ATL1: variants seen among roughly 807,000 people sequenced by gnomAD.
ATL1 encodes atlastin-1.
Under a neutral mutation model 75.5 loss-of-function variants are expected in ATL1, and 31 were observed. The observed-to-expected ratio is 0.41, with a 90% CI of 0.31 to 0.55. The LOEUF (loss-of-function observed/expected upper bound fraction) is 0.55, where lower values mean the gene tolerates loss of function less well. Among genes scored for constraint, ATL1 ranks in the 20% least tolerant of loss-of-function variants. The pLI, the probability that ATL1 is intolerant of heterozygous loss-of-function variation, is 0.27. For synonymous variants in ATL1, 226 were observed against 233.3 expected, an observed-to-expected ratio of 0.97 and a Z score of 0.28; for missense variants, 405 against 662.6, an observed-to-expected ratio of 0.61 and a Z score of 4.27.
rs1555363914 is a variant in ATL1, at chr14:50,591,038, G to A, written c.380G>A (p.Ser127Asn). 1 of 1,613,432 alleles carries A rather than the reference G, an allele frequency of 6.2e-7. No homozygotes were observed. The highest frequency in any genetic ancestry group is 1.7e-5 in the Admixed American group (1 of 60,002). ...ERETTGIQIW[S>N]EIFLINKPDG... The stretch of plus-strand genomic sequence containing the variant: ...GAGACCACAGGAATTCAGATATGGA[G>A]TGAAATCTTCCTTATCAATAAACCT... Residue 127 changes from serine (S) to asparagine (N), a missense_variant, in exon 3 of 14, where the codon AGT becomes AAT. Coordinates refer to ENST00000358385, the MANE Select transcript of ATL1 (RefSeq NM_015915.5).
At chr14:50,622,449 C>T (rs919108321) in intron 10 of ATL1, among the ~76,000 whole-genome samples, 8 of 152,076 alleles carry the variant, frequency 5.3e-5, no homozygotes, top group African/African-American at 9.7e-5. Flanking sequence ...GGGCAGACCA[C>T]GAGGTCAAGA....
intron 1 of ATL1, among the ~76,000 whole-genome samples, chr14:50,537,513 C>G (rs1211237127): frequency 6.6e-6 from 1 of 152,174 alleles, no homozygotes; most frequent in East Asian, 1.9e-4. Context: ...CTCCAGATCA[C>G]AGAATGGTGG....
intron 1 of ATL1, among the ~76,000 whole-genome samples, chr14:50,572,919 G>A (rs533442108): frequency 6.6e-6 from 1 of 152,262 alleles, no homozygotes; most frequent in African/African-American, 2.4e-5. Context: ...TGGCTGGGGA[G>A]GCCTCAGAAA....
At position 50,630,055 on chromosome 14, in the gene ATL1, TATG is replaced by T. The variant is rs138611561; in HGVS notation, c.1566+49_1566+51del. 0.035 allele frequency: 49,696 copies of T among 1,409,206 alleles called. 1,200 individuals are homozygous for T. Among genetic ancestry groups the T allele is most frequent in the Non-Finnish European group, 0.044 (44,281 of 1,012,604 alleles). The allele number at this position is 1,409,206 out of a possible 1,614,324, so 87.3% of individuals were successfully genotyped here. On this transcript the variant is annotated intron_variant, in intron 13 of 13. Transcript: ENST00000358385. ...TTCAGAGCTATGTATGTGTAAACAT[TATG>T]ATATTATTTTATAAACTGACTAAGC...
At chr14:50,534,381 A>T (rs2038465565) in intron 1 of ATL1, among the ~76,000 whole-genome samples, 2 of 152,382 alleles carry the variant, frequency 1.3e-5, no homozygotes, top group South Asian at 4.1e-4. Flanking sequence ...CCAATTGATC[A>T]AGAAGAGGCA....
intron 1 of ATL1, among the ~76,000 whole-genome samples, chr14:50,568,193 G>C (rs1365351296): frequency 1.3e-5 from 2 of 151,866 alleles, no homozygotes; most frequent in African/African-American, 2.4e-5. Context: ...ATAGATTTTT[G>C]TCATTGTTAT....
intron 1 of ATL1, among the ~76,000 whole-genome samples, chr14:50,548,819 T>G (rs2038666498): frequency 6.6e-6 from 1 of 152,048 alleles, no homozygotes; most frequent in African/African-American, 2.4e-5. Flanking sequence ...CTGGTCTCAA[T>G]TATGAAAGGG....
intron 1 of ATL1, among the ~76,000 whole-genome samples, chr14:50,585,417 A>G (rs1595596517): frequency 1.3e-5 from 2 of 152,152 alleles, no homozygotes; most frequent in South Asian, 4.1e-4. Flanking sequence ...TGGGTCTGTG[A>G]TTCACATTTG....
At chr14:50,542,477 A>G (rs994394078) in intron 1 of ATL1, 2 of 152,154 alleles carry the variant, frequency 1.3e-5, no homozygotes, top group African/African-American at 4.8e-5. Context: ...AATAAAAGAA[A>G]ATAAAAGAAA....
At chr14:50,593,040 G>A (rs1455046825) in intron 4 of ATL1, among the ~76,000 whole-genome samples, 2 of 149,160 alleles carry the variant, frequency 1.3e-5, no homozygotes, top group Admixed American at 6.7e-5. Flanking sequence ...TACACACATT[G>A]TATAAGCCTT....
intron 1 of ATL1, among the ~76,000 whole-genome samples, chr14:50,566,795 A>G (rs2038907837): frequency 6.6e-6 from 1 of 152,170 alleles, no homozygotes. Context: ...TAATAAACAG[A>G]CATTATGTAT....
At chr14:50,571,013 T>A (rs944289242) in intron 1 of ATL1, among the ~76,000 whole-genome samples, 1 of 152,184 alleles carries the variant, frequency 6.6e-6, no homozygotes, top group African/African-American at 2.4e-5. Flanking sequence ...CTTTTGAATG[T>A]CCTAGTCTTT....
intron 11 of ATL1, among the ~76,000 whole-genome samples, chr14:50,626,937 A>G (rs1374293980): frequency 6.6e-6 from 1 of 152,186 alleles, no homozygotes; most frequent in African/African-American, 2.4e-5. Context: ...TAAAATATGA[A>G]ATAAAGTTAG....
At chr14:50,614,193 T>G (rs1177091053) in intron 7 of ATL1, among the ~76,000 whole-genome samples, 180 bp from the exon 8 acceptor site, 2 of 152,146 alleles carry the variant, frequency 1.3e-5, no homozygotes, top group African/African-American at 2.4e-5. Flanking sequence ...TTTTCTATAC[T>G]TAGACACGGC....
intron 11 of ATL1, among the ~76,000 whole-genome samples, chr14:50,626,653 T>C (rs1163826450): frequency 6.6e-6 from 1 of 152,210 alleles, no homozygotes; most frequent in African/African-American, 2.4e-5. Context: ...ATGTACATAT[T>C]TTTGGAGTAC....
upstream of ATL1, among the ~76,000 whole-genome samples, chr14:50,555,457 A>AT (rs2140166379): frequency 6.6e-6 from 1 of 151,824 alleles, no homozygotes; most frequent in South Asian, 2.1e-4. Flanking sequence ...AATTTTTTGT[A>AT]TTTTTTAGTA....
At chr14:50,553,163 G>A (rs971448600) in intron 1 of ATL1, among the ~76,000 whole-genome samples, 4 of 151,814 alleles carry the variant, frequency 2.6e-5, no homozygotes, top group Non-Finnish European at 4.4e-5. Flanking sequence ...ATGCATGGTG[G>A]TGTGTGCCTG....
intron 6 of ATL1, among the ~76,000 whole-genome samples, chr14:50,611,312 CT>C (rs1393000580): frequency 6.6e-6 from 1 of 151,508 alleles, no homozygotes; most frequent in African/African-American, 2.4e-5. Flanking sequence ...CCACCAACTT[CT>C]AGTGTTATAA....
At chr14:50,560,390 G>A in intron 1 of ATL1, 91 bp downstream of exon 1, 1 of 1,507,848 alleles carries the variant, frequency 6.6e-7, no homozygotes, top group Non-Finnish European at 9.0e-7. Context: ...GCCAAGGGCT[G>A]CTAGGTGCCT....
Sources: gnomAD v4.1 joint callset for allele counts (sites outside exome capture counted in the v4.1 genomes callset) on GRCh38, gnomAD v4.1.1 for gene constraint, MANE v1.5 for transcripts, NCBI Gene and HGNC (gene_info 2026-07-23, HGNC 2026-07-21) for gene names.